Variants in FHOD3 observed in about 807,000 individuals in gnomAD.
FHOD3 encodes the protein FH1/FH2 domain-containing protein 3.
A neutral mutation model predicts 173.0 loss-of-function variants in FHOD3; 90 were observed. That is an observed-to-expected ratio of 0.52 (90% CI 0.44 to 0.62). The LOEUF (loss-of-function observed/expected upper bound fraction) is 0.62, where lower values mean the gene tolerates loss of function less well. Among genes scored for constraint, FHOD3 ranks in the 20% least tolerant of loss-of-function variants. FHOD3 has a pLI of 0.00. For synonymous variants in FHOD3, 828 were observed against 823.0 expected (o/e 1.01, Z -0.10); for missense variants, 1,945 against 2,034.7 (o/e 0.96, Z 0.85).
At chr18:36,481,122 C>A (rs1479589314) in intron 3 of FHOD3, among the ~76,000 whole-genome samples, 1 of 149,598 alleles carries the variant, frequency 6.7e-6, no homozygotes, top group Non-Finnish European at 1.5e-5. Context: ...CCTTAATTTC[C>A]CTCAGCTTTT....
chr18:36,374,349 C>T (rs1415155755), intron 3 of FHOD3, among the ~76,000 whole-genome samples: 2 of 152,198 alleles, frequency 1.3e-5, no homozygotes, highest in Non-Finnish European at 2.9e-5. Flanking sequence ...GCTCCCTGCT[C>T]TTGGGGTTGA....
At chr18:36,492,451 C>T (rs1218398203) in intron 3 of FHOD3, among the ~76,000 whole-genome samples, 2 of 152,152 alleles carry the variant, frequency 1.3e-5, no homozygotes, top group Non-Finnish European at 2.9e-5. Context: ...TCCAGCTTCC[C>T]CAATTTCCCA....
intron 17 of FHOD3, among the ~76,000 whole-genome samples, chr18:36,699,066 C>T (rs984907794): frequency 3.9e-5 from 6 of 152,202 alleles, no homozygotes; most frequent in Admixed American, 6.5e-5. Flanking sequence ...ACCCTGTCTT[C>T]TAAGGCTCCT....
intron 21 of FHOD3, among the ~76,000 whole-genome samples, chr18:36,741,760 G>C (rs141342645): frequency 1.4e-5 from 2 of 140,412 alleles, no homozygotes; most frequent in Non-Finnish European, 1.5e-5. Flanking sequence ...AACAGAGTGA[G>C]ACCTCCATCT....
chr18:36,306,199 A>C (rs1416032537), intron 1 of FHOD3, among the ~76,000 whole-genome samples: 1 of 152,246 alleles, frequency 6.6e-6, no homozygotes, highest in Admixed American at 6.5e-5. Context: ...GAGAGCAGCC[A>C]ACAGAGAGGA....
At chr18:36,448,326 C>G (rs1422776115) in intron 3 of FHOD3, among the ~76,000 whole-genome samples, 1 of 152,120 alleles carries the variant, frequency 6.6e-6, no homozygotes, top group Non-Finnish European at 1.5e-5. Context: ...AGAGATTGCC[C>G]AAAACAATGG....
At chr18:36,518,065 C>T (rs1425033909) in intron 5 of FHOD3, among the ~76,000 whole-genome samples, 2 of 152,162 alleles carry the variant, frequency 1.3e-5, no homozygotes, top group Admixed American at 6.5e-5. Flanking sequence ...AAACTAACAT[C>T]CTCCTTGTCA....
intron 3 of FHOD3, among the ~76,000 whole-genome samples, chr18:36,391,036 G>A (rs934033739): frequency 2.0e-5 from 3 of 152,202 alleles, no homozygotes; most frequent in African/African-American, 7.2e-5. Context: ...TGGGTAATTA[G>A]GATTGAAGGG....
intron 10 of FHOD3, among the ~76,000 whole-genome samples, chr18:36,633,095 G>A (rs983896029): frequency 1.3e-5 from 2 of 152,316 alleles, no homozygotes; most frequent in Admixed American, 6.5e-5. Context: ...GAGGGGCTGC[G>A]TGTGCACTGT....
At chr18:36,598,111 C>T (rs1429068621) in intron 7 of FHOD3, among the ~76,000 whole-genome samples, 1 of 152,094 alleles carries the variant, frequency 6.6e-6, no homozygotes, top group Non-Finnish European at 1.5e-5. Context: ...AGACAGGTGC[C>T]AGAGGTGATT....
At chr18:36,424,307 C>T (rs184997132) in intron 3 of FHOD3, among the ~76,000 whole-genome samples, 1 of 152,272 alleles carries the variant, frequency 6.6e-6, no homozygotes, top group Non-Finnish European at 1.5e-5. Flanking sequence ...TAAAACTGTG[C>T]TGTGCTTTTA....
chr18:36,350,515 G>C (rs1367346289), intron 1 of FHOD3, among the ~76,000 whole-genome samples: 1 of 152,176 alleles, frequency 6.6e-6, no homozygotes, highest in Admixed American at 6.5e-5. Flanking sequence ...ACCAAACCTA[G>C]AGCCAAGAAA....
At chr18:36,467,798 GCT>G (rs980201023) in intron 3 of FHOD3, among the ~76,000 whole-genome samples, 1 of 152,212 alleles carries the variant, frequency 6.6e-6, no homozygotes, top group Non-Finnish European at 1.5e-5. Flanking sequence ...ACAGAGATGG[GCT>G]CTGTTTATTT....
At chr18:36,767,978 A>C (rs2043213672) in intron 27 of FHOD3, among the ~76,000 whole-genome samples, 1 of 152,184 alleles carries the variant, frequency 6.6e-6, no homozygotes, top group African/African-American at 2.4e-5. Flanking sequence ...GTGTGGGAGA[A>C]CTCAAACATT....
chr18:36,470,314 T>C (rs1421767154), intron 3 of FHOD3, among the ~76,000 whole-genome samples: 3 of 152,188 alleles, frequency 2.0e-5, no homozygotes, highest in African/African-American at 4.8e-5. Flanking sequence ...CATGAATGAG[T>C]GTCCTATAGT....
At chr18:36,602,602 TA>T in intron 7 of FHOD3, 71 bp from the exon 8 acceptor site, 1 of 1,138,440 alleles carries the variant, frequency 8.8e-7, no homozygotes. Context: ...CCTTGGATAA[TA>T]AACTGTGATG....
chr18:36,500,356 A>T (rs2054967325), intron 3 of FHOD3, among the ~76,000 whole-genome samples: 1 of 152,072 alleles, frequency 6.6e-6, no homozygotes, highest in South Asian at 2.1e-4. Flanking sequence ...TTCCTGGGCC[A>T]CTGTGAAAAA....
intron 5 of FHOD3, among the ~76,000 whole-genome samples, chr18:36,528,252 A>T (rs191502639): frequency 6.6e-6 from 1 of 152,282 alleles, no homozygotes; most frequent in Non-Finnish European, 1.5e-5. Context: ...ACAAGATAAG[A>T]TCTTGAGCAT....
chr18:36,498,949 G>T (rs2054880234), intron 3 of FHOD3, among the ~76,000 whole-genome samples: 1 of 152,168 alleles, frequency 6.6e-6, no homozygotes, highest in Non-Finnish European at 1.5e-5. Flanking sequence ...AGATGAATCA[G>T]AAACAATAAT....
Sources: gnomAD v4.1 joint callset for allele counts (sites outside exome capture counted in the v4.1 genomes callset) on GRCh38, gnomAD v4.1.1 for gene constraint, MANE v1.5 for transcripts, NCBI Gene and HGNC (gene_info 2026-07-23, HGNC 2026-07-21) for gene names.